ZNF585B: variants seen among roughly 807,000 people sequenced by gnomAD.
The protein encoded by ZNF585B is zinc finger protein 41-like protein.
ZNF585B carries 7 observed loss-of-function variants against 14.0 expected under a neutral mutation model. The observed-to-expected ratio is 0.50, with a 90% CI of 0.28 to 0.94. The LOEUF (loss-of-function observed/expected upper bound fraction) is 0.94, where lower values mean the gene tolerates loss of function less well. Ranked by LOEUF, ZNF585B falls within the 40% of genes least tolerant of loss-of-function variation. The pLI is 0.09. For synonymous variants in ZNF585B, 290 were observed against 317.3 expected, an observed-to-expected ratio of 0.91 and a Z score of 0.91; for missense variants, 750 against 924.4, an observed-to-expected ratio of 0.81 and a Z score of 2.45.
At chr19:37,198,786 A>C (rs1972499675) in intron 2 of ZNF585B, among the ~76,000 whole-genome samples, 1 of 133,722 alleles carries the variant, frequency 7.5e-6, no homozygotes, top group Non-Finnish European at 1.6e-5. Context: ...TAATATAGTC[A>C]CAATATTATT....
chr19:37,182,257 A>C lies in ZNF585B; in HGVS notation c.*2970T>G, dbSNP rs1303128451. On this transcript the variant is annotated 3_prime_UTR_variant, in exon 5 of 5. Transcript: ENST00000532828. ...GGAGAAATTATTGAAAGTCATGTAC[A>C]GTGAAATGTGTTTTCCTCCATATTT... 3 of 152,216 alleles carry C rather than the reference A, an allele frequency of 2.0e-5. No homozygotes were observed. Among genetic ancestry groups the C allele is most frequent in the Non-Finnish European group, 4.4e-5 (3 of 68,042 alleles). The allele number at this position is 152,216 out of a possible 1,614,324, so 9.4% of individuals were successfully genotyped here. A position where few individuals can be genotyped will look rare whatever the true frequency, so the allele number is the denominator to read the frequency against.
rs545305580 is a variant in ZNF585B, at chr19:37,185,382, C to T, written c.2155G>A (p.Val719Met). ...QRIHTGEKPY[V>M]CAECGKAFSN... is the part of the protein sequence containing the mutation. Reference sequence around the variant, plus strand: ...AAGGCCTTCCCACACTCAGCACACACGTAAGGCTTCTCTCCAGTGTGAATT... The same window carrying T: ...AAGGCCTTCCCACACTCAGCACACATGTAAGGCTTCTCTCCAGTGTGAATT... Residue 719 changes from valine (V) to methionine (M), a missense_variant, in exon 5 of 5, where the codon GTG becomes ATG. Coordinates refer to ENST00000532828, the MANE Select transcript of ZNF585B (RefSeq NM_152279.4). 9 of 1,614,068 alleles carry T rather than the reference C, an allele frequency of 5.6e-6. No homozygotes were observed. The highest frequency in any genetic ancestry group is 5.5e-5 in the South Asian group (5 of 91,076).
At chr19:37,209,957 C>G (rs1053465954) in intron 1 of ZNF585B, among the ~76,000 whole-genome samples, 1 of 151,608 alleles carries the variant, frequency 6.6e-6, no homozygotes, top group African/African-American at 2.4e-5. Context: ...CCTCATGATC[C>G]GCCCGCCTGG....
chr19:37,206,076 A>T (rs944183966), intron 2 of ZNF585B, among the ~76,000 whole-genome samples: 1 of 149,908 alleles, frequency 6.7e-6, no homozygotes, highest in Non-Finnish European at 1.5e-5. Context: ...GCAAAACTCC[A>T]TCAATAAATA....
In ZNF585B at chr19:37,186,590, T is replaced by C. The variant is rs745799357; in HGVS notation, c.947A>G (p.His316Arg). 1.9e-6 allele frequency: 3 copies of C among 1,614,136 alleles called. No individual in the cohort carries two copies. The highest frequency in any genetic ancestry group is 2.5e-6 in the Non-Finnish European group (3 of 1,180,062). The change falls in exon 5 of 5, where the codon CAT (histidine) becomes CGT (arginine). Residue 316 changes from histidine (H) to arginine (R), a missense_variant. Around this residue, in one of 2 missense-constraint regions of ZNF585B, gnomAD observed 517 missense variants for 570.3 expected, o/e 0.91. Transcript: ENST00000532828. ...CTTCACTCTTGTGTGAACACGTTGATGTACCTGAAGTTGTGACTTGGAAAT... is the reference window on the plus strand; with the variant it reads ...CTTCACTCTTGTGTGAACACGTTGACGTACCTGAAGTTGTGACTTGGAAAT... ...SFISKSQLQV[H>R]QRVHTRVKPY...
chr19:37,186,807 A>G lies in ZNF585B; in HGVS notation c.730T>C (p.Cys244Arg). 6.2e-7 allele frequency: 1 copy of G among 1,614,182 alleles called. No homozygotes were observed. Among genetic ancestry groups the G allele is most frequent in the Non-Finnish European group, 8.5e-7 (1 of 1,180,026 alleles). ...GTGAACGCTTTGCCACAGTCAGTGC[A>G]TTCATGGTGTCTCTCTCCAGTATGA... ...KIHTGERHHE[C>R]TDCGKAFTQK... Residue 244 changes from cysteine (C) to arginine (R), a missense_variant, in exon 5 of 5, where the codon TGC becomes CGC. Coordinates refer to ENST00000532828, the MANE Select transcript of ZNF585B (RefSeq NM_152279.4).
At chr19:37,192,953 T>C (rs1469706404) in intron 2 of ZNF585B, among the ~76,000 whole-genome samples, 1 of 147,596 alleles carries the variant, frequency 6.8e-6, no homozygotes, top group Non-Finnish European at 1.5e-5. Flanking sequence ...GGCCAACATG[T>C]TGAAACCCCC....
At chr19:37,197,689 G>A (rs1051155088) in intron 2 of ZNF585B, among the ~76,000 whole-genome samples, 2 of 152,134 alleles carry the variant, frequency 1.3e-5, no homozygotes, top group African/African-American at 4.8e-5. Context: ...GGCGTGAGAT[G>A]GTATCTCATT....
intron 4 of ZNF585B, among the ~76,000 whole-genome samples, chr19:37,188,935 CT>C (rs869293622): frequency 0.01 from 1,497 of 142,964 alleles, 26 homozygotes; most frequent in African/African-American, 0.032. Flanking sequence ...AAATAAAGTT[CT>C]TTTTTTTTTT....
At chr19:37,200,283 G>A (rs1446480196) in intron 2 of ZNF585B, among the ~76,000 whole-genome samples, 1 of 151,802 alleles carries the variant, frequency 6.6e-6, no homozygotes, top group South Asian at 2.1e-4. Context: ...CAGGCACGGT[G>A]GCTCACGCCT....
At chr19:37,187,768 G>A (rs988242943) in intron 4 of ZNF585B, among the ~76,000 whole-genome samples, 1 of 152,140 alleles carries the variant, frequency 6.6e-6, no homozygotes. Flanking sequence ...CTTGAACACA[G>A]AGAAAAGGGT....
chr19:37,204,440 C>T (rs1972564372), intron 2 of ZNF585B, among the ~76,000 whole-genome samples: 1 of 152,230 alleles, frequency 6.6e-6, no homozygotes, highest in Non-Finnish European at 1.5e-5. Flanking sequence ...GCAAACAAGA[C>T]CAATCTCTGA....
chr19:37,188,771 C>T (rs768777063), intron 4 of ZNF585B, among the ~76,000 whole-genome samples: 1 of 149,760 alleles, frequency 6.7e-6, no homozygotes, highest in Non-Finnish European at 1.5e-5. Context: ...GGTGATTAAT[C>T]CATGCCATGT....
chr19:37,189,939 C>A, intron 3 of ZNF585B, 85 bp downstream of exon 3: 1 of 1,586,334 alleles, frequency 6.3e-7, no homozygotes, highest in Non-Finnish European at 8.6e-7. Context: ...CATCACCTAT[C>A]TAAGATGCCA....
rs1568504848 is a variant in ZNF585B, at chr19:37,184,424, A to AGAGAG, written c.*802_*803insCTCTC. 9.9e-6 allele frequency: 1 copy of AGAGAG among 101,514 alleles called. No homozygotes were observed. Among genetic ancestry groups the AGAGAG allele is most frequent in the East Asian group, 2.6e-4 (1 of 3,800 alleles). 6.3% of individuals were successfully genotyped at this position (101,514 alleles called of 1,614,324 possible). ...AGAAAGAAAGAAAGAAAGAGAAAGA[A>AGAGAG]AGAAAAAGAAAGAAAGAAGGAAAGA... is the stretch of plus-strand genomic sequence containing the variant. On this transcript the variant is annotated 3_prime_UTR_variant, in exon 5 of 5. Coordinates refer to ENST00000532828, the MANE Select transcript of ZNF585B (RefSeq NM_152279.4).
chr19:37,208,208 T>C (rs1679377129), intron 1 of ZNF585B, among the ~76,000 whole-genome samples: 1 of 152,178 alleles, frequency 6.6e-6, no homozygotes, highest in Admixed American at 6.5e-5. Flanking sequence ...CCTGACCTTG[T>C]GATCCGCCTG....
rs758906949 is a variant in ZNF585B at position 37,187,148 on chromosome 19, T to C, written c.389A>G (p.Tyr130Cys). Residue 130 changes from tyrosine to cysteine, a missense_variant, in exon 5 of 5, where the codon TAT (tyrosine) becomes TGT (cysteine). Around this residue, in one of 2 missense-constraint regions of ZNF585B, gnomAD observed 517 missense variants for 570.3 expected, o/e 0.91. Transcript: ENST00000532828. ...GCTCTTTCCAAATTCAGCACACTCA[T>C]AGGATTTTTCCCCAGAATAAATTTT... is the stretch of plus-strand genomic sequence containing the variant. ...DQKIYSGEKSYECAEFGKSFT... is the reference protein window; with the variant it reads ...DQKIYSGEKSCECAEFGKSFT... The C allele has an allele frequency of 3.7e-6, 6 of 1,614,072 alleles. No homozygotes were observed. The East Asian group carries it at 8.9e-5, about 24-fold the overall frequency.
At position 37,186,644 on chromosome 19, in the gene ZNF585B, T is replaced by C. The variant is rs1390171920; in HGVS notation, c.893A>G (p.Tyr298Cys). 6.2e-7 allele frequency: 1 copy of C among 1,614,242 alleles called. No homozygotes were observed. The highest frequency in any genetic ancestry group is 1.7e-5 in the Admixed American group (1 of 60,022). The change falls in exon 5 of 5, where the codon TAT becomes TGT. Residue 298 changes from tyrosine (Y) to cysteine (C), a missense_variant. This residue lies in a region of ZNF585B where 517 missense variants were observed against 570.3 expected (regional missense o/e 0.91). Coordinates refer to ENST00000532828, the MANE Select transcript of ZNF585B (RefSeq NM_152279.4). Reference protein sequence around the residue: ...HRRIHSGEKPYECNNCGKSFI... With the variant: ...HRRIHSGEKPCECNNCGKSFI... ...GGATTTGCCACAGTTATTGCATTCATATGGTTTTTCTCCACTATGAATTCT... is the reference window on the plus strand; with the variant it reads ...GGATTTGCCACAGTTATTGCATTCACATGGTTTTTCTCCACTATGAATTCT...
intron 2 of ZNF585B, chr19:37,199,136 C>T: frequency 1.5e-6 from 1 of 652,508 alleles, no homozygotes. Context: ...AACTCCCCAA[C>T]CCCCAAACCC....
Sources: gnomAD v4.1 joint callset for allele counts (sites outside exome capture counted in the v4.1 genomes callset) on GRCh38, gnomAD v4.1.1 for gene constraint, gnomAD v4.1.1 regional missense constraint, MANE v1.5 for transcripts, NCBI Gene and HGNC (gene_info 2026-07-23, HGNC 2026-07-21) for gene names.